PLEKHA5: variants seen among roughly 807,000 people sequenced by gnomAD.
PLEKHA5 encodes pleckstrin homology domain-containing family A member 5.
PLEKHA5 carries 55 observed loss-of-function variants against 181.9 expected under a neutral mutation model. The observed-to-expected ratio is 0.30, with a 90% confidence interval of 0.24 to 0.38. PLEKHA5 has a LOEUF of 0.38. Ranked by LOEUF, PLEKHA5 falls within the 10% of genes least tolerant of loss-of-function variation. PLEKHA5 has a pLI of 1.00. For missense variants in PLEKHA5, 1,432 were observed against 1,549.5 expected (o/e 0.92, Z 1.27); for synonymous variants, 535 against 529.4 (o/e 1.01, Z -0.15).
intron 3 of PLEKHA5, chr12:19,151,473 G>GAA (rs1231237709): frequency 1.0e-5 from 1 of 99,200 alleles, no homozygotes; most frequent in East Asian, 2.7e-4. Flanking sequence ...GACTTACAGA[G>GAA]GCCGTGACTC....
At chr12:19,361,170 T>A (rs1050967743) in intron 28 of PLEKHA5, among the ~76,000 whole-genome samples, 3 of 152,164 alleles carry the variant, frequency 2.0e-5, no homozygotes, top group Admixed American at 2.0e-4. Context: ...AGTGTGATTG[T>A]TTATTTATTT....
At chr12:19,339,976 A>C (rs960748051) in intron 21 of PLEKHA5, among the ~76,000 whole-genome samples, 4 of 152,188 alleles carry the variant, frequency 2.6e-5, no homozygotes, top group African/African-American at 9.7e-5. Context: ...AAAATAGACC[A>C]ATGGAACAGA....
chr12:19,239,442 C>T (rs1022170770), intron 3 of PLEKHA5, among the ~76,000 whole-genome samples: 1 of 152,092 alleles, frequency 6.6e-6, no homozygotes, highest in Non-Finnish European at 1.5e-5. Context: ...GAATTTCTGT[C>T]CCCCTCGTGC....
chr12:19,331,303 A>G (rs1255247368), intron 20 of PLEKHA5, among the ~76,000 whole-genome samples: 2 of 152,190 alleles, frequency 1.3e-5, no homozygotes, highest in African/African-American at 4.8e-5. Flanking sequence ...TTGATTTTAG[A>G]TAAGAAAAGG....
intron 3 of PLEKHA5, among the ~76,000 whole-genome samples, chr12:19,141,308 T>C (rs1340059741): frequency 6.6e-6 from 1 of 152,224 alleles, no homozygotes; most frequent in Non-Finnish European, 1.5e-5. Flanking sequence ...ACAAGGACTT[T>C]TGACTACCTT....
At chr12:19,137,960 T>A (rs1013506327) in intron 3 of PLEKHA5, among the ~76,000 whole-genome samples, 1 of 152,238 alleles carries the variant, frequency 6.6e-6, no homozygotes, top group African/African-American at 2.4e-5. Flanking sequence ...TCTGGATTTG[T>A]CAAGGGACTT....
At chr12:19,174,731 A>G (rs2046785883) in intron 3 of PLEKHA5, among the ~76,000 whole-genome samples, 1 of 152,152 alleles carries the variant, frequency 6.6e-6, no homozygotes. Flanking sequence ...TATTATTTAC[A>G]TGATGCTGTG....
At chr12:19,317,751 C>T (rs2089389662) in intron 16 of PLEKHA5, among the ~76,000 whole-genome samples, 1 of 151,622 alleles carries the variant, frequency 6.6e-6, no homozygotes, top group Non-Finnish European at 1.5e-5. Context: ...TTCCGACATC[C>T]TAAATAAAAT....
chr12:19,370,023 A>T lies in PLEKHA5; in HGVS notation c.*11+225A>T, dbSNP rs147684072. On this transcript the variant is annotated intron_variant, in intron 31 of 31. Coordinates refer to ENST00000429027, the MANE Select transcript of PLEKHA5 (RefSeq NM_001256470.2). ...CATTTTCTTTGTCTCTTATTTCATC[A>T]TCCAGAAAAACAACAAAATTTGGAG... Among the ~76,000 whole-genome samples, 1,014 of 152,378 alleles carry T rather than the reference A, an allele frequency of 6.7e-3. 10 individuals are homozygous for T. Among genetic ancestry groups the T allele is most frequent in the African/African-American group, 0.023 (960 of 41,596 alleles).
At chr12:19,306,766 A>G (rs927894091) in intron 15 of PLEKHA5, 8 of 949,896 alleles carry the variant, frequency 8.4e-6, no homozygotes, top group Middle Eastern at 2.1e-4. Context: ...GCCAATCGCA[A>G]TCTCGTTAAA....
intron 15 of PLEKHA5, among the ~76,000 whole-genome samples, chr12:19,298,459 A>G (rs891745868): frequency 2.0e-4 from 26 of 130,014 alleles, no homozygotes; most frequent in Non-Finnish European, 4.0e-4. Flanking sequence ...ACTGGGGAAG[A>G]TCTCCGTCTC....
intron 11 of PLEKHA5, among the ~76,000 whole-genome samples, chr12:19,277,701 T>C (rs1267772662): frequency 6.6e-6 from 1 of 152,196 alleles, no homozygotes; most frequent in Non-Finnish European, 1.5e-5. Context: ...ATTGGTGGAA[T>C]GAAACAATTG....
chr12:19,237,636 G>A (rs990741375), intron 3 of PLEKHA5, among the ~76,000 whole-genome samples: 6 of 151,856 alleles, frequency 4.0e-5, no homozygotes, highest in African/African-American at 1.5e-4. Flanking sequence ...AAATTTAAGA[G>A]CAATATAATG....
At chr12:19,371,105 C>G (rs2095564287) in intron 31 of PLEKHA5, 2 of 151,942 alleles carry the variant, frequency 1.3e-5, no homozygotes, top group Admixed American at 6.6e-5. Context: ...GCTGACCTCC[C>G]AGGCTCAAGC....
chr12:19,330,461 T>C (rs2092729431), intron 20 of PLEKHA5, among the ~76,000 whole-genome samples: 1 of 152,104 alleles, frequency 6.6e-6, no homozygotes, highest in African/African-American at 2.4e-5. Context: ...AAACATCTTT[T>C]TAGGTTAAAA....
chr12:19,258,890 A>G (rs1156548244), intron 6 of PLEKHA5, among the ~76,000 whole-genome samples: 3 of 151,962 alleles, frequency 2.0e-5, no homozygotes, highest in Non-Finnish European at 4.4e-5. Context: ...AATTTTCTCC[A>G]TATTTTCCAG....
intron 3 of PLEKHA5, among the ~76,000 whole-genome samples, chr12:19,166,981 A>G (rs988731620): frequency 5.3e-5 from 8 of 152,228 alleles, no homozygotes; most frequent in African/African-American, 1.7e-4. Flanking sequence ...GTCACTAAAC[A>G]TATATTCGAG....
chr12:19,132,843 A>G (rs1216203080), intron 3 of PLEKHA5, among the ~76,000 whole-genome samples: 1 of 115,868 alleles, frequency 8.6e-6, no homozygotes. Flanking sequence ...GTCATTAGCT[A>G]TGTGGTACTT....
chr12:19,320,267 G>A (rs1592476588), intron 17 of PLEKHA5, among the ~76,000 whole-genome samples: 1 of 152,068 alleles, frequency 6.6e-6, no homozygotes, highest in East Asian at 1.9e-4. Context: ...AATAATGTGT[G>A]TCTTTAAAAG....
Sources: gnomAD v4.1 joint callset for allele counts (sites outside exome capture counted in the v4.1 genomes callset) on GRCh38, gnomAD v4.1.1 for gene constraint, MANE v1.5 for transcripts, NCBI Gene and HGNC (gene_info 2026-07-23, HGNC 2026-07-21) for gene names.